Variants in TAMM41 observed in about 807,000 individuals in gnomAD.
TAMM41 encodes the protein TAM41 mitochondrial translocator assembly and maintenance homolog.
Under a neutral mutation model 44.1 loss-of-function variants are expected in TAMM41, and 36 were observed. The observed-to-expected ratio is 0.82, with a 90% CI of 0.63 to 1.08. The LOEUF is 1.08. Among genes scored for constraint, TAMM41 ranks in the 50% least tolerant of loss-of-function variants. TAMM41 has a pLI of 0.00. For missense variants in TAMM41, 417 were observed against 404.3 expected (o/e 1.03, Z -0.27); for synonymous variants, 164 against 153.1 (o/e 1.07, Z -0.53).
chr3:11,777,732 T>C, the TAMM41 span, among the ~76,000 whole-genome samples: 1 of 152,080 alleles, frequency 6.6e-6, no homozygotes. Flanking sequence ...AGGCGGAGGC[T>C]GAAGTGAGCC....
chr3:11,742,833 C>T, the TAMM41 span, among the ~76,000 whole-genome samples: 4 of 151,874 alleles, frequency 2.6e-5, no homozygotes, highest in African/African-American at 7.2e-5. Flanking sequence ...AGGACTCAAG[C>T]GATCTTCCTG....
At chr3:11,825,490 C>T (rs2078712368) in intron 4 of TAMM41, among the ~76,000 whole-genome samples, 2 of 152,244 alleles carry the variant, frequency 1.3e-5, no homozygotes, top group South Asian at 4.1e-4. Flanking sequence ...CTAGCTTCCA[C>T]TCCAGAGAAA....
chr3:11,803,597 A>C (rs1199954154), intron 7 of TAMM41, among the ~76,000 whole-genome samples: 1 of 152,194 alleles, frequency 6.6e-6, no homozygotes, highest in Non-Finnish European at 1.5e-5. Flanking sequence ...TCATTATATC[A>C]AAAACAAAAA....
intron 2 of TAMM41, among the ~76,000 whole-genome samples, chr3:11,843,218 T>G (rs2079528833): frequency 6.6e-6 from 1 of 152,158 alleles, no homozygotes; most frequent in Non-Finnish European, 1.5e-5. Flanking sequence ...GACCCAAAAT[T>G]GGCCTGCCTA....
the TAMM41 span, among the ~76,000 whole-genome samples, chr3:11,738,680 T>G: frequency 6.6e-6 from 1 of 152,152 alleles, no homozygotes; most frequent in Non-Finnish European, 1.5e-5. Flanking sequence ...CCCCAAAAAA[T>G]GAATCCCACT....
the TAMM41 span, among the ~76,000 whole-genome samples, chr3:11,734,852 G>A: frequency 6.3e-5 from 9 of 143,796 alleles, no homozygotes; most frequent in African/African-American, 2.5e-4. Flanking sequence ...TGGCTAACAC[G>A]GTGAAACCCC....
chr3:11,781,800 A>G, the TAMM41 span, among the ~76,000 whole-genome samples: 1 of 151,456 alleles, frequency 6.6e-6, no homozygotes, highest in East Asian at 1.9e-4. Context: ...TAAGAGACCC[A>G]GGTTTTTGTC....
chr3:11,738,301 G>C, the TAMM41 span, among the ~76,000 whole-genome samples: 7 of 152,266 alleles, frequency 4.6e-5, 1 homozygote, highest in South Asian at 1.5e-3. Context: ...CAACCCCTTT[G>C]CTCGTCTTAG....
chr3:11,819,385 T>C (rs1227004626), intron 4 of TAMM41, among the ~76,000 whole-genome samples: 2 of 152,192 alleles, frequency 1.3e-5, no homozygotes, highest in East Asian at 3.8e-4. Context: ...AAGACAGTGA[T>C]TAAGAAACTT....
intron 3 of TAMM41, among the ~76,000 whole-genome samples, chr3:11,836,544 A>G (rs1310473524): frequency 6.6e-6 from 1 of 151,254 alleles, no homozygotes; most frequent in Non-Finnish European, 1.5e-5. Flanking sequence ...GCTCACTGCA[A>G]CCTCCACTTT....
At chr3:11,734,534 G>C in the TAMM41 span, among the ~76,000 whole-genome samples, 1 of 152,046 alleles carries the variant, frequency 6.6e-6, no homozygotes, top group Non-Finnish European at 1.5e-5. Context: ...AATTACACTG[G>C]TGTAATTCAC....
the TAMM41 span, among the ~76,000 whole-genome samples, chr3:11,747,456 C>T: frequency 2.0e-5 from 3 of 152,140 alleles, no homozygotes; most frequent in Admixed American, 2.0e-4. Flanking sequence ...TTGAACTGCA[C>T]ACTTAAAATA....
intron 5 of TAMM41, among the ~76,000 whole-genome samples, chr3:11,814,213 G>A (rs952800614): frequency 8.6e-5 from 13 of 151,648 alleles, no homozygotes; most frequent in African/African-American, 2.9e-4. Context: ...TAAAAAATCA[G>A]GCCAGGAAGG....
chr3:11,741,460 G>A, the TAMM41 span, among the ~76,000 whole-genome samples: 29 of 149,598 alleles, frequency 1.9e-4, 1 homozygote, highest in Non-Finnish European at 3.1e-4. Context: ...TGGGGACTAA[G>A]TTATCCCCTT....
chr3:11,804,858 T>C lies in TAMM41; in HGVS notation c.937+2975A>G, dbSNP rs79981953. On this transcript the variant is annotated intron_variant, in intron 7 of 7. Coordinates refer to ENST00000455809, the MANE Select transcript of TAMM41 (RefSeq NM_001284401.2). ...TGTTGAAACTTTTATACAATGTTTT[T>C]ATTATTATAATTTTTTTTTTTTTTG... Among the ~76,000 whole-genome samples the C allele has an allele frequency of 4.4e-3, 658 of 150,068 alleles. 11 individuals are homozygous for C. The East Asian group carries it at 0.069, about 16-fold the overall frequency.
rs138242071 is a variant in TAMM41 at position 11,819,986 on chromosome 3, C to T, written c.563-2649G>A. Among the ~76,000 whole-genome samples the T allele has an allele frequency of 6.6e-5, 10 of 152,100 alleles. No homozygotes were observed. The South Asian group carries it at 1.9e-3, about 29-fold the overall frequency. ...ACATGCCCCAGGTCCAACTGCCTCT[C>T]GGTATTAGGGTAGTGAAATTTTAGG... On this transcript the variant is annotated intron_variant, in intron 4 of 7. Transcript: ENST00000455809.
the TAMM41 span, among the ~76,000 whole-genome samples, chr3:11,733,350 C>T: frequency 6.6e-6 from 1 of 152,042 alleles, no homozygotes; most frequent in Non-Finnish European, 1.5e-5. Context: ...AATAGACTGT[C>T]GGTGGGGCAC....
intron 7 of TAMM41, among the ~76,000 whole-genome samples, chr3:11,803,811 G>C (rs2133133): frequency 0.56 from 85,589 of 152,054 alleles, 26,138 homozygotes; most frequent in African/African-American, 0.78. Flanking sequence ...GAGGCCACGT[G>C]TATAAGTGAA....
intron 4 of TAMM41, among the ~76,000 whole-genome samples, chr3:11,823,097 T>C (rs1295287791): frequency 6.6e-6 from 1 of 152,234 alleles, no homozygotes; most frequent in Non-Finnish European, 1.5e-5. Flanking sequence ...GTCTCTGTGA[T>C]TTGTATTGAT....
Sources: gnomAD v4.1 joint callset for allele counts (sites outside exome capture counted in the v4.1 genomes callset) on GRCh38, gnomAD v4.1.1 for gene constraint, MANE v1.5 for transcripts, NCBI Gene and HGNC (gene_info 2026-07-23, HGNC 2026-07-21) for gene names.